EIF2AK1: variants seen among roughly 807,000 people sequenced by gnomAD.
EIF2AK1 encodes eukaryotic translation initiation factor 2-alpha kinase 1.
EIF2AK1 carries 54 observed loss-of-function variants against 77.9 expected under a neutral mutation model. The observed-to-expected ratio is 0.69, with a 90% CI of 0.56 to 0.87. EIF2AK1 has a LOEUF of 0.87. Ranked by LOEUF, EIF2AK1 falls within the 40% of genes least tolerant of loss-of-function variation. EIF2AK1 has a pLI of 0.00. For missense variants in EIF2AK1, 810 were observed against 768.6 expected (o/e 1.05, Z -0.64); for synonymous variants, 314 against 290.5 (o/e 1.08, Z -0.82).
chr7:6,050,125 G>T, intron 2 of EIF2AK1, 80 bp from the exon 3 acceptor site: 4 of 1,143,446 alleles, frequency 3.5e-6, no homozygotes, highest in Middle Eastern at 2.0e-4. Context: ...AGAGAATAAC[G>T]TGTAATAATA....
rs1158938752 is a variant in EIF2AK1 at position 6,028,618 on chromosome 7, G to A, written c.1527C>T (p.Ala509=). ...GGCAGAAAGCAACAAATACTACCTT[G>A]GCATCATACTCAGATCCTTCCAACT... is the stretch of plus-strand genomic sequence containing the variant. ...PEQLEGSEYD[A]KSDMYSLGVV... is the part of the protein sequence containing the mutation. The change falls in exon 13 of 15, where the codon GCC becomes GCT. Residue 509 remains alanine, a synonymous_variant. Transcript: ENST00000199389. The A allele has an allele frequency of 1.2e-6, 2 of 1,613,790 alleles. No homozygotes were observed. Among genetic ancestry groups the A allele is most frequent in the Non-Finnish European group, 1.7e-6 (2 of 1,179,822 alleles).
chr7:6,050,250 G>C (rs1286355248), intron 2 of EIF2AK1, among the ~76,000 whole-genome samples: 1 of 152,146 alleles, frequency 6.6e-6, no homozygotes, highest in Non-Finnish European at 1.5e-5. Flanking sequence ...AGAGAGTGCA[G>C]TGACAACTAT....
At chr7:6,031,441 T>C in intron 11 of EIF2AK1, 2 of 1,550,782 alleles carry the variant, frequency 1.3e-6, no homozygotes, top group South Asian at 1.2e-5. Flanking sequence ...CCCTGGAAGA[T>C]GGCCCATCTG....
In EIF2AK1 at chr7:6,059,157, C is replaced by A. The variant is rs1180123264; in HGVS notation, c.-74G>T. On this transcript the variant is annotated 5_prime_UTR_variant, in exon 1 of 15. Coordinates refer to ENST00000199389, the MANE Select transcript of EIF2AK1 (RefSeq NM_014413.4). Reference sequence around the variant, plus strand: ...TGCCACACTCCGATGCTGCAGCTAGCGCCGTCCGACCCGGAAGTAACCCCT... The same window carrying A: ...TGCCACACTCCGATGCTGCAGCTAGAGCCGTCCGACCCGGAAGTAACCCCT... 1 of 1,049,374 alleles carries A rather than the reference C, an allele frequency of 9.5e-7. No homozygotes were observed. Among genetic ancestry groups the A allele is most frequent in the East Asian group, 3.3e-5 (1 of 30,398 alleles). 65.0% of individuals were successfully genotyped at this position (1,049,374 alleles called of 1,614,324 possible).
chr7:6,024,091 G>GT lies in EIF2AK1; in HGVS notation c.*581dup. ...GTGCGGAGTACAAAGCTTTGCAAGG[G>GT]TGTGGTTTTGGAATGACGCTAAACT... On this transcript the variant is annotated 3_prime_UTR_variant, in exon 15 of 15. Transcript: ENST00000199389. 1 of 1,299,818 alleles carries GT rather than the reference G, an allele frequency of 7.7e-7. No homozygotes were observed. The allele number at this position is 1,299,818 out of a possible 1,614,324, so 80.5% of individuals were successfully genotyped here. A position where few individuals can be genotyped will look rare whatever the true frequency, so the allele number is the denominator to read the frequency against.
At chr7:6,050,123 A>G in intron 2 of EIF2AK1, 78 bp from the exon 3 acceptor site, 1 of 1,167,174 alleles carries the variant, frequency 8.6e-7, no homozygotes, top group South Asian at 1.5e-5. Flanking sequence ...ACAGAGAATA[A>G]CGTGTAATAA....
In EIF2AK1 at chr7:6,023,368, G is replaced by A. The variant is rs1161751628; in HGVS notation, c.*1305C>T. 3.1e-6 allele frequency: 5 copies of A among 1,613,870 alleles called. No homozygotes were observed. The highest frequency in any genetic ancestry group is 2.2e-5 in the East Asian group (1 of 44,896). ...CCCCATCGAAGGCGAAGGGAACATTGCACGTTTCTTGTTCTCTCTGTTTGG... is the reference window on the plus strand; with the variant it reads ...CCCCATCGAAGGCGAAGGGAACATTACACGTTTCTTGTTCTCTCTGTTTGG... On this transcript the variant is annotated 3_prime_UTR_variant, in exon 15 of 15. Transcript: ENST00000199389.
chr7:6,054,547 C>T lies in EIF2AK1; in HGVS notation c.276G>A (p.Lys92=). The part of the protein sequence containing the change: ...PNPLRSRQVF[K]LLCQTFIKMG... ...CAAGATTCATTTATTCTTACTTACGCTTAAACACCTGTCTTGAACGAAGTG... is the reference window on the plus strand; with the variant it reads ...CAAGATTCATTTATTCTTACTTACGTTTAAACACCTGTCTTGAACGAAGTG... The change falls in exon 2 of 15, where the codon AAG becomes AAA. Residue 92 remains lysine (K), a splice_region_variant and synonymous_variant. Coordinates refer to ENST00000199389, the MANE Select transcript of EIF2AK1 (RefSeq NM_014413.4). The T allele has an allele frequency of 6.2e-7, 1 of 1,614,054 alleles. No individual in the cohort carries two copies. The highest frequency in any genetic ancestry group is 8.5e-7 in the Non-Finnish European group (1 of 1,179,998).
rs138323253 is a variant in EIF2AK1, at chr7:6,058,251, A to G, written c.118+715T>C. On this transcript the variant is annotated intron_variant, in intron 1 of 14. Transcript: ENST00000199389. ...ACAGCAAGACCACATCTCTGCAAAA[A>G]AAAAAAAATTAAAAAATTAGCTGGG... The G allele has an allele frequency of 7.2e-4, 310 of 427,736 alleles. 3 individuals are homozygous for G. The East Asian group carries it at 0.013, about 18-fold the overall frequency. 26.5% of individuals were successfully genotyped at this position (427,736 alleles called of 1,614,324 possible).
At chr7:6,043,083 A>T in intron 7 of EIF2AK1, 90 bp from the exon 8 acceptor site, 1 of 1,264,966 alleles carries the variant, frequency 7.9e-7, no homozygotes, top group Non-Finnish European at 1.1e-6. Flanking sequence ...AATAGTGTCA[A>T]ATGAGACTAC....
chr7:6,057,490 T>C (rs2128452583), intron 1 of EIF2AK1: 1 of 151,360 alleles, frequency 6.6e-6, no homozygotes, highest in East Asian at 1.9e-4. Flanking sequence ...AGTTAAAATC[T>C]CCCTGAATCG....
intron 2 of EIF2AK1, among the ~76,000 whole-genome samples, chr7:6,050,449 C>T (rs1788576405): frequency 6.6e-6 from 1 of 152,116 alleles, no homozygotes; most frequent in African/African-American, 2.4e-5. Flanking sequence ...CCCAACTCCA[C>T]CTCCCAAAGT....
chr7:6,027,106 T>C lies in EIF2AK1; in HGVS notation c.1531-145A>G, dbSNP rs1787769627. On this transcript the variant is annotated intron_variant, in intron 13 of 14. Coordinates refer to ENST00000199389, the MANE Select transcript of EIF2AK1 (RefSeq NM_014413.4). This position sits in a 1 kb window ranked among gnomAD's most constrained non-coding sequence, Gnocchi z 4.5. ...CCACAAGGAAGGGAACAGAGCAGGA[T>C]AGCTCATCAGTGACAGGGACTTTCA... 6 of 685,900 alleles carry C rather than the reference T, an allele frequency of 8.7e-6. No homozygotes were observed. The highest frequency in any genetic ancestry group is 3.7e-5 in the South Asian group (2 of 54,406). 42.5% of individuals were successfully genotyped at this position (685,900 alleles called of 1,614,324 possible).
intron 14 of EIF2AK1, among the ~76,000 whole-genome samples, chr7:6,025,667 G>A (rs911767688): frequency 6.6e-6 from 1 of 152,262 alleles, no homozygotes; most frequent in Middle Eastern, 3.4e-3. Context: ...ACGGAGTCTC[G>A]CTCTTTCGCC....
chr7:6,052,584 T>TAAAAC (rs1788636751), intron 2 of EIF2AK1, among the ~76,000 whole-genome samples: 1 of 97,174 alleles, frequency 1.0e-5, no homozygotes, highest in African/African-American at 4.0e-5. Flanking sequence ...ACTGTTTTGG[T>TAAAAC]AAAAAAAAAA....
At chr7:6,030,637 T>A (rs1787883721) in intron 11 of EIF2AK1, among the ~76,000 whole-genome samples, 1 of 152,190 alleles carries the variant, frequency 6.6e-6, no homozygotes, top group African/African-American at 2.4e-5. Flanking sequence ...TAGCTGGGAC[T>A]ACAGGCGCAC....
At chr7:6,028,771 A>G in intron 12 of EIF2AK1, 74 bp from the exon 13 acceptor site, 1 of 1,468,390 alleles carries the variant, frequency 6.8e-7, no homozygotes, top group East Asian at 2.3e-5. Flanking sequence ...ACTATGAGGA[A>G]GCAGTGTAGC....
Position 6,026,866 on chromosome 7 carries a change from A to G in EIF2AK1, c.1626T>C (p.Thr542=). ...ERAEVLTGLR[T]GQLPESLRKR... ...TACGGAGGGATTCCGGCAACTGACC[A>G]GTTCTTAAACCTGTTAGAACTTCTG... The change falls in exon 14 of 15, where the codon ACT becomes ACC. Residue 542 remains threonine, a synonymous_variant. Coordinates refer to ENST00000199389, the MANE Select transcript of EIF2AK1 (RefSeq NM_014413.4). The G allele has an allele frequency of 1.2e-6, 2 of 1,614,208 alleles. No homozygotes were observed. Among genetic ancestry groups the G allele is most frequent in the South Asian group, 1.1e-5 (1 of 91,088 alleles).
Position 6,036,406 on chromosome 7 carries a change from AC to A in EIF2AK1, c.1332+1017del. The A allele has an allele frequency of 6.9e-7, 1 of 1,439,606 alleles. No individual in the cohort carries two copies. Among genetic ancestry groups the A allele is most frequent in the Non-Finnish European group, 9.1e-7 (1 of 1,097,532 alleles). The allele number at this position is 1,439,606 out of a possible 1,614,324, so 89.2% of individuals were successfully genotyped here. ...TCTTGAAATAAGACCTCCCAGTTTC[AC>A]AGCAGAGGGACTTTCAGCCACTCAA... On this transcript the variant is annotated intron_variant, in intron 11 of 14. Coordinates refer to ENST00000199389, the MANE Select transcript of EIF2AK1 (RefSeq NM_014413.4). The surrounding 1 kb of genome is among the most constrained non-coding windows in gnomAD (Gnocchi z 4.6).
Sources: allele counts gnomAD v4.1 joint callset (sites outside exome capture counted in the v4.1 genomes callset), GRCh38; gene constraint gnomAD v4.1.1; non-coding constraint Gnocchi (gnomAD v3.1); transcripts MANE v1.5; gene names NCBI Gene and HGNC (gene_info 2026-07-23, HGNC 2026-07-21).